The following NLRP12 variants were observed in gnomAD, a reference collection of about 807,000 sequenced individuals.
NLRP12 encodes the protein NLR family pyrin domain containing 12.
NLRP12 carries 108 observed loss-of-function variants against 91.2 expected under a neutral mutation model. That is an observed-to-expected ratio of 1.18 (90% CI 1.01 to 1.39). NLRP12 has a LOEUF of 1.39. Among genes scored for constraint, NLRP12 ranks in the 40% most tolerant of loss-of-function variants. The probability of loss-of-function intolerance (pLI) is 0.00; values close to 1 mark genes in which losing one functional copy is unlikely to be tolerated. For synonymous variants in NLRP12, 613 were observed against 566.7 expected, an observed-to-expected ratio of 1.08 and a Z score of -1.16; for missense variants, 1,530 against 1,352.7, an observed-to-expected ratio of 1.13 and a Z score of -2.06.
intron 7 of NLRP12, 132 bp downstream of exon 7, chr19:53,801,095 A>AG: frequency 6.8e-6 from 1 of 147,134 alleles, no homozygotes; most frequent in Non-Finnish European, 1.3e-5. Flanking sequence ...TGGGAGTCTC[A>AG]AAAAAAAAAA....
chr19:53,810,631 C>T lies in NLRP12; in HGVS notation c.1028G>A (p.Arg343Gln), dbSNP rs759054060. 3.1e-6 allele frequency: 5 copies of T among 1,613,982 alleles called. No individual in the cohort carries two copies. Among genetic ancestry groups the T allele is most frequent in the Admixed American group, 3.3e-5 (2 of 59,964 alleles). ...GTGGAGCTTCTCCAAAGCCGTGGGC[C>T]GTGTGGTGATGAGCAAAGATAGCTC... ...LPELSLLITT[R>Q]PTALEKLHRL... Residue 343 changes from arginine to glutamine, a missense_variant, in exon 3 of 10, where the codon CGG becomes CAG. Coordinates refer to ENST00000324134, the MANE Select transcript of NLRP12 (RefSeq NM_144687.4).
chr19:53,811,053 T>A lies in NLRP12; in HGVS notation c.606A>T (p.Pro202=), dbSNP rs747390376. The change falls in exon 3 of 10, where the codon CCA becomes CCT. Residue 202 remains proline (P), a synonymous_variant. Transcript: ENST00000324134. ...GCGGTGGCTCGGGGCGCTCCTCGTC[T>A]GGCTCAAAGAGGGTCTCTATCTTGA... ...SPIKIETLFE[P]DEERPEPPRT... The A allele has an allele frequency of 3.1e-6, 5 of 1,612,454 alleles. No homozygotes were observed. The African/African-American group carries it at 6.7e-5, about 22-fold the overall frequency.
chr19:53,818,533 C>T (rs1490380057), intron 1 of NLRP12, among the ~76,000 whole-genome samples: 5 of 151,662 alleles, frequency 3.3e-5, no homozygotes, highest in Middle Eastern at 3.4e-3. Flanking sequence ...GGCGTGGTGG[C>T]GGGTGCCTGT....
chr19:53,817,988 G>A (rs1388305133), intron 1 of NLRP12, among the ~76,000 whole-genome samples: 1 of 151,736 alleles, frequency 6.6e-6, no homozygotes, highest in Non-Finnish European at 1.5e-5. Flanking sequence ...TCACCATGTT[G>A]GCCAGGCTGT....
At chr19:53,805,158 C>T in intron 5 of NLRP12, 122 bp downstream of exon 5, 3 of 1,038,602 alleles carry the variant, frequency 2.9e-6, no homozygotes, top group Non-Finnish European at 4.4e-6. Context: ...GGTCTTAGGT[C>T]ATGGGGTTAA....
rs865802899 is a variant in NLRP12, at chr19:53,801,308, C to A, written c.2675G>T (p.Ser892Ile). The A allele has an allele frequency of 6.2e-7, 1 of 1,614,022 alleles. No homozygotes were observed. Among genetic ancestry groups the A allele is most frequent in the Admixed American group, 1.7e-5 (1 of 59,962 alleles). The change falls in exon 7 of 10, where the codon AGC (serine) becomes ATC (isoleucine). Residue 892 changes from serine to isoleucine, a missense_variant. Coordinates refer to ENST00000324134, the MANE Select transcript of NLRP12 (RefSeq NM_144687.4). ...VNQSLRELDL[S>I]LNELGDLGVL... ...CCCGAGGTCCCCCAGCTCATTCAGG[C>A]TCAGGTCCAGCTCTCTCAGGCTCTG...
chr19:53,808,725 A>G (rs972376544), intron 3 of NLRP12: 1 of 152,184 alleles, frequency 6.6e-6, no homozygotes, highest in African/African-American at 2.4e-5. Flanking sequence ...TTGTTGATTG[A>G]ATAAATTCTC....
At chr19:53,804,219 T>G (rs2091919261) in intron 5 of NLRP12, 97 bp from the exon 6 acceptor site, 1 of 1,373,372 alleles carries the variant, frequency 7.3e-7, no homozygotes, top group South Asian at 1.2e-5. Context: ...TAGGAACAGG[T>G]TGTTGCTCTG....
In NLRP12 at chr19:53,798,231, C is replaced by T. The variant is rs373356870; in HGVS notation, c.2927+12G>A. On this transcript the variant is annotated intron_variant, in intron 8 of 9. Coordinates refer to ENST00000324134, the MANE Select transcript of NLRP12 (RefSeq NM_144687.4). ...CGTGACCACTGCCACCCCGTCACTC[C>T]CCGATGCTCACCACAGTTTCTGGAG... is the stretch of plus-strand genomic sequence containing the variant. The T allele has an allele frequency of 1.1e-5, 18 of 1,614,152 alleles. No homozygotes were observed. In the African/African-American group the frequency reaches 2.3e-4, roughly 20 times the overall value.
At chr19:53,798,872 G>C (rs2091819064) in intron 7 of NLRP12, among the ~76,000 whole-genome samples, 1 of 152,104 alleles carries the variant, frequency 6.6e-6, no homozygotes. Context: ...CTCCCAAGTA[G>C]ATGGGATTAC....
chr19:53,821,946 T>C (rs1267481699), intron 1 of NLRP12, among the ~76,000 whole-genome samples: 2 of 152,188 alleles, frequency 1.3e-5, no homozygotes, highest in African/African-American at 2.4e-5. Flanking sequence ...AATCATGTTC[T>C]TTGCAGTAAC....
In NLRP12 at chr19:53,810,187, ACGTCTTCCC is replaced by A; in HGVS notation, c.1463_1471del (p.Gly488_Asp490del). On this transcript the variant is annotated inframe_deletion, in exon 3 of 10. Transcript: ENST00000324134. ...GATGTTCATGTTGAGGAAGGCAGAG[ACGTCTTCCC>A]CGTCTAGGCCGTGCTTCCGGAGGTC... 1 of 1,614,082 alleles carries A rather than the reference ACGTCTTCCC, an allele frequency of 6.2e-7. No individual in the cohort carries two copies. Among genetic ancestry groups the A allele is most frequent in the Non-Finnish European group, 8.5e-7 (1 of 1,180,014 alleles).
intron 4 of NLRP12, 85 bp from the exon 5 acceptor site, chr19:53,805,535 T>TTC (rs56049734): frequency 8.8e-6 from 13 of 1,481,826 alleles, no homozygotes; most frequent in East Asian, 4.6e-5. Flanking sequence ...TTTTTTTTTT[T>TTC]CTGAGACAGA....
intron 6 of NLRP12, among the ~76,000 whole-genome samples, chr19:53,802,272 A>G (rs989807483): frequency 1.3e-5 from 2 of 152,102 alleles, no homozygotes; most frequent in African/African-American, 4.8e-5. Flanking sequence ...AAAGGCTTGA[A>G]TACACATTTC....
At chr19:53,796,389 C>G (rs1043504097) in intron 8 of NLRP12, among the ~76,000 whole-genome samples, 1 of 150,214 alleles carries the variant, frequency 6.7e-6, no homozygotes, top group East Asian at 2.0e-4. Context: ...GCAGCTGGGA[C>G]TACAGGCGAG....
At chr19:53,823,082 A>AATAT (rs1467201655) in intron 1 of NLRP12, among the ~76,000 whole-genome samples, 27 of 11,152 alleles carry the variant, frequency 2.4e-3, no homozygotes, top group Admixed American at 0.011. Flanking sequence ...CATCTCTTAA[A>AATAT]ATATATATAC....
intron 3 of NLRP12, 33 bp downstream of exon 3, chr19:53,809,554 A>C: frequency 6.7e-7 from 1 of 1,497,746 alleles, no homozygotes; most frequent in South Asian, 1.1e-5. Flanking sequence ...CACGAACCTA[A>C]GCAGCCCCAG....
intron 8 of NLRP12, among the ~76,000 whole-genome samples, chr19:53,796,885 TCGGGAGGC>T (rs2091772826): frequency 9.7e-6 from 1 of 102,978 alleles, no homozygotes; most frequent in Non-Finnish European, 2.1e-5. Context: ...TCCCAGCTAC[TCGGGAGGC>T]TGAGGCAGGA....
In NLRP12 at chr19:53,823,871, C is replaced by G; in HGVS notation, c.289+15G>C. ...GGCTGGCATTCTAGCCTTGCCTGTC[C>G]CGCCACCTCCTTACCCCTCACCAGG... On this transcript the variant is annotated intron_variant, in intron 1 of 9. Coordinates refer to ENST00000324134, the MANE Select transcript of NLRP12 (RefSeq NM_144687.4). The G allele has an allele frequency of 6.2e-7, 1 of 1,613,592 alleles. No homozygotes were observed. Among genetic ancestry groups the G allele is most frequent in the Non-Finnish European group, 8.5e-7 (1 of 1,179,948 alleles).
Sources: allele counts gnomAD v4.1 joint callset (sites outside exome capture counted in the v4.1 genomes callset), GRCh38; gene constraint gnomAD v4.1.1; transcripts MANE v1.5; gene names NCBI Gene and HGNC (gene_info 2026-07-23, HGNC 2026-07-21).